CRTAC1: variants seen among roughly 807,000 people sequenced by gnomAD.
CRTAC1 encodes cartilage acidic protein 1.
Under a neutral mutation model 67.8 loss-of-function variants are expected in CRTAC1, and 37 were observed. The observed-to-expected ratio is 0.55, with a 90% confidence interval of 0.42 to 0.72. CRTAC1 has a LOEUF of 0.72. CRTAC1 is among the 30% of genes least tolerant of loss of function. CRTAC1 has a pLI of 0.00. For synonymous variants in CRTAC1, 348 were observed against 371.0 expected, an observed-to-expected ratio of 0.94 and a Z score of 0.71; for missense variants, 780 against 931.6, an observed-to-expected ratio of 0.84 and a Z score of 2.12.
At chr10:97,905,159 T>C (rs1352038068) in intron 6 of CRTAC1, among the ~76,000 whole-genome samples, 1 of 152,182 alleles carries the variant, frequency 6.6e-6, no homozygotes, top group South Asian at 2.1e-4. Context: ...ACACTGCCAC[T>C]GGAAGACATT....
At chr10:97,919,348 G>A (rs1193582116) in intron 4 of CRTAC1, among the ~76,000 whole-genome samples, 2 of 152,198 alleles carry the variant, frequency 1.3e-5, no homozygotes, top group Non-Finnish European at 2.9e-5. Flanking sequence ...TCTTAAAGGA[G>A]TCTCAGTCAG....
intron 3 of CRTAC1, among the ~76,000 whole-genome samples, chr10:97,927,844 G>A (rs146091028): frequency 6.6e-6 from 1 of 152,282 alleles, no homozygotes; most frequent in African/African-American, 2.4e-5. Flanking sequence ...TAAACAGCGA[G>A]CTGTGCGGGT....
At chr10:97,952,464 G>A (rs1376339401) in intron 2 of CRTAC1, among the ~76,000 whole-genome samples, 1 of 149,998 alleles carries the variant, frequency 6.7e-6, no homozygotes, top group African/African-American at 2.5e-5. Flanking sequence ...CTTAAACCTG[G>A]GAGATGGAGG....
At chr10:97,927,758 TGG>T (rs2050943678) in intron 3 of CRTAC1, among the ~76,000 whole-genome samples, 1 of 152,182 alleles carries the variant, frequency 6.6e-6, no homozygotes, top group Non-Finnish European at 1.5e-5. Flanking sequence ...ACGGGAGAGA[TGG>T]GAGCCCGTGA....
intron 2 of CRTAC1, among the ~76,000 whole-genome samples, chr10:97,979,083 A>G (rs1785268137): frequency 6.6e-6 from 1 of 152,078 alleles, no homozygotes; most frequent in South Asian, 2.1e-4. Context: ...AAATGTTATG[A>G]TCAGAGGGTC....
chr10:97,957,937 A>T (rs1199092815), intron 2 of CRTAC1, among the ~76,000 whole-genome samples: 1 of 151,934 alleles, frequency 6.6e-6, no homozygotes. Flanking sequence ...TTTGGGGGAG[A>T]TCCTCCTCCA....
At chr10:98,025,493 C>T (rs1045053565) in intron 1 of CRTAC1, among the ~76,000 whole-genome samples, 3 of 152,200 alleles carry the variant, frequency 2.0e-5, no homozygotes, top group Admixed American at 6.5e-5. Flanking sequence ...CCTCTCCCTT[C>T]CTTTCCCCCA....
At chr10:97,985,268 T>C (rs574589379) in intron 2 of CRTAC1, among the ~76,000 whole-genome samples, 2 of 152,326 alleles carry the variant, frequency 1.3e-5, no homozygotes, top group African/African-American at 4.8e-5. Flanking sequence ...TAATATTATG[T>C]ATAAGAATTT....
chr10:97,918,142 C>A (rs1398121870), intron 4 of CRTAC1, among the ~76,000 whole-genome samples: 2 of 152,214 alleles, frequency 1.3e-5, no homozygotes, highest in Non-Finnish European at 2.9e-5. Context: ...TGTTCCCACC[C>A]CGCGCTTCTT....
intron 14 of CRTAC1, chr10:97,879,652 T>G (rs1211484372): frequency 3.9e-6 from 6 of 1,533,800 alleles, no homozygotes; most frequent in Non-Finnish European, 5.3e-6. Context: ...GGCTGTTAGT[T>G]TTGTTTTGTT....
intron 2 of CRTAC1, among the ~76,000 whole-genome samples, chr10:98,003,871 T>C (rs867428591): frequency 1.3e-5 from 2 of 152,072 alleles, no homozygotes; most frequent in African/African-American, 4.8e-5. Flanking sequence ...AGTATGTAAT[T>C]TGGGGTGAGG....
intron 2 of CRTAC1, among the ~76,000 whole-genome samples, chr10:97,971,129 A>G (rs2051704436): frequency 6.6e-6 from 1 of 152,258 alleles, no homozygotes; most frequent in Non-Finnish European, 1.5e-5. Context: ...TAGAGGCAGT[A>G]AAAATTTGTA....
In CRTAC1 at chr10:97,927,456, A is replaced by G. The variant is rs138139153; in HGVS notation, c.422-4056T>C. On this transcript the variant is annotated intron_variant, in intron 3 of 14. Coordinates refer to ENST00000370597, the MANE Select transcript of CRTAC1 (RefSeq NM_018058.7). Reference sequence around the variant, plus strand: ...CCTTGGCCATGGAACTCCTTTTTGTAGACCACCTCTTAGCACCCTGCGTAA... The same window carrying G: ...CCTTGGCCATGGAACTCCTTTTTGTGGACCACCTCTTAGCACCCTGCGTAA... Among the ~76,000 whole-genome samples, 181 of 152,274 alleles carry G rather than the reference A, an allele frequency of 1.2e-3. 1 individual carries two copies. The highest frequency in any genetic ancestry group is 4.2e-3 in the African/African-American group (175 of 41,556).
chr10:97,976,253 G>C (rs2051801160), intron 2 of CRTAC1, among the ~76,000 whole-genome samples: 1 of 152,318 alleles, frequency 6.6e-6, no homozygotes, highest in African/African-American at 2.4e-5. Flanking sequence ...TGATTTTAAA[G>C]TGAGGATAAT....
intron 1 of CRTAC1, among the ~76,000 whole-genome samples, chr10:98,013,201 A>T (rs1212807771): frequency 2.6e-5 from 4 of 152,210 alleles, no homozygotes; most frequent in Non-Finnish European, 5.9e-5. Context: ...CAGTGGCTGG[A>T]AAGAGTGCTG....
chr10:97,974,913 G>C (rs368250115), intron 2 of CRTAC1, among the ~76,000 whole-genome samples: 97 of 152,332 alleles, frequency 6.4e-4, no homozygotes, highest in African/African-American at 2.3e-3. Context: ...GGCGCAGACA[G>C]GAGGAGGGAG....
chr10:97,915,543 C>A (rs554168181), intron 5 of CRTAC1, among the ~76,000 whole-genome samples: 77 of 152,274 alleles, frequency 5.1e-4, no homozygotes, highest in African/African-American at 1.8e-3. Context: ...TGGTGCTGAG[C>A]GCTGGCCACG....
chr10:97,905,745 G>A (rs992075368), intron 6 of CRTAC1, among the ~76,000 whole-genome samples: 12 of 152,230 alleles, frequency 7.9e-5, no homozygotes, highest in Non-Finnish European at 1.5e-4. Flanking sequence ...AACCGGGGAC[G>A]TGGGTGACAG....
At chr10:98,016,503 G>C (rs996470587) in intron 1 of CRTAC1, among the ~76,000 whole-genome samples, 2 of 152,164 alleles carry the variant, frequency 1.3e-5, no homozygotes, top group Non-Finnish European at 2.9e-5. Context: ...TGGTAGGTGT[G>C]GGGTGGTCCC....
Sources: allele counts gnomAD v4.1 joint callset (sites outside exome capture counted in the v4.1 genomes callset), GRCh38; gene constraint gnomAD v4.1.1; transcripts MANE v1.5; gene names NCBI Gene and HGNC (gene_info 2026-07-23, HGNC 2026-07-21).